Variants in TMEM171 observed in about 807,000 individuals in gnomAD.
TMEM171 encodes the protein transmembrane protein 171, also known as proline-rich protein PRP2.
In TMEM171, 16 loss-of-function variants were observed where a neutral mutation model predicts 19.1. The observed-to-expected ratio is 0.84, with a 90% CI of 0.57 to 1.27. The LOEUF (loss-of-function observed/expected upper bound fraction) is 1.27. Ranked by LOEUF, TMEM171 falls within the 50% of genes most tolerant of loss-of-function variation. The pLI is 0.00. For synonymous variants in TMEM171, 153 were observed against 163.4 expected, an observed-to-expected ratio of 0.94 and a Z score of 0.48; for missense variants, 429 against 412.7, an observed-to-expected ratio of 1.04 and a Z score of -0.34.
In TMEM171 at chr5:73,124,013, G is replaced by C. The variant is rs575777539; in HGVS notation, c.640G>C (p.Gly214Arg). The change falls in exon 2 of 4, where the codon GGT (glycine) becomes CGT (arginine). Residue 214 changes from glycine to arginine, a missense_variant and splice_region_variant. Gly to Arg is a moderately radical substitution (Grantham distance 125, BLOSUM62 -2). Transcript: ENST00000454765. ...TATGGAGCCTGTCCAGGTCACTGTA[G>C]GTGGGTTGCTGTTATTTGCGTTCTT... ...QIMEPVQVTVGDSVIIFPPPP... is the reference protein window; with the variant it reads ...QIMEPVQVTVRDSVIIFPPPP... The C allele has an allele frequency of 5.9e-6, 9 of 1,530,138 alleles. No individual in the cohort carries two copies. The African/African-American group carries it at 1.3e-4, about 21-fold the overall frequency. 94.8% of individuals were successfully genotyped at this position (1,530,138 alleles called of 1,614,324 possible).
intron 3 of TMEM171, among the ~76,000 whole-genome samples, chr5:73,129,609 G>C (rs541362395): frequency 3.3e-5 from 5 of 152,090 alleles, no homozygotes; most frequent in Admixed American, 6.5e-5. Flanking sequence ...CTCCAGCCTG[G>C]GCAACAGAGA....
intron 3 of TMEM171, among the ~76,000 whole-genome samples, chr5:73,129,050 G>A (rs1250365605): frequency 6.6e-6 from 1 of 152,218 alleles, no homozygotes; most frequent in African/African-American, 2.4e-5. Context: ...CCTGTTACCG[G>A]CGGAGGGTGT....
In TMEM171 at chr5:73,123,599, C is replaced by A. The variant is rs1465084258; in HGVS notation, c.226C>A (p.Leu76Met). 9.3e-6 allele frequency: 15 copies of A among 1,614,098 alleles called. No individual in the cohort carries two copies. Among genetic ancestry groups the A allele is most frequent in the Non-Finnish European group, 1.3e-5 (15 of 1,180,046 alleles). ...CAVVGLGAVI[L>M]ARSRAQLQLR... ...CGTGGTTGGGCTTGGGGCTGTGATC[C>A]TGGCCCGCTCCCGGGCGCAACTTCA... is the stretch of plus-strand genomic sequence containing the variant. Residue 76 changes from leucine to methionine, a missense_variant, in exon 2 of 4, where the codon CTG (leucine) becomes ATG (methionine). By Grantham distance (15) the Leu-to-Met change is conservative. Transcript: ENST00000454765.
intron 2 of TMEM171, among the ~76,000 whole-genome samples, chr5:73,125,082 C>G (rs1451163219): frequency 6.6e-6 from 1 of 152,160 alleles, no homozygotes; most frequent in Non-Finnish European, 1.5e-5. Context: ...AACTGGGTTG[C>G]TGGACTTGCA....
Position 73,123,484 on chromosome 5 carries a change from C to G in TMEM171, c.111C>G (p.Val37=), listed in dbSNP as rs747839899. 6.2e-7 allele frequency: 1 copy of G among 1,614,226 alleles called. No individual in the cohort carries two copies. Among genetic ancestry groups the G allele is most frequent in the Non-Finnish European group, 8.5e-7 (1 of 1,180,040 alleles). ...GCGCCGTCTTGTTGTGTGTGGGAGTCCTGCTCTCCATCTTTGGGTTCCAGG... is the reference window on the plus strand; with the variant it reads ...GCGCCGTCTTGTTGTGTGTGGGAGTGCTGCTCTCCATCTTTGGGTTCCAGG... The part of the protein sequence containing the change: ...VFGAVLLCVG[V]LLSIFGFQAC... Residue 37 remains valine, a synonymous_variant, in exon 2 of 4, where the codon GTC becomes GTG. Coordinates refer to ENST00000454765, the MANE Select transcript of TMEM171 (RefSeq NM_173490.8).
At position 73,131,714 on chromosome 5, in the gene TMEM171, A is replaced by G; in HGVS notation, c.959A>G (p.Glu320Gly). The G allele has an allele frequency of 6.2e-7, 1 of 1,611,780 alleles. No homozygotes were observed. Among genetic ancestry groups the G allele is most frequent in the Non-Finnish European group, 8.5e-7 (1 of 1,179,218 alleles). ...GCTACATTCTTGCCTCTATCTTCTG[A>G]GCCTTCCCCACCGTAAACTATGGAC... ...AAATFLPLSS[E>G]PSPP Residue 320 changes from glutamate (E) to glycine (G), a missense_variant, in exon 4 of 4, where the codon GAG becomes GGG. Glu to Gly is a moderately conservative substitution (Grantham distance 98, BLOSUM62 -2). Transcript: ENST00000454765.
chr5:73,124,220 T>C (rs149396953), intron 2 of TMEM171, among the ~76,000 whole-genome samples: 10 of 152,012 alleles, frequency 6.6e-5, no homozygotes, highest in African/African-American at 2.4e-4. Context: ...ATACATCTTT[T>C]CCCCCCCAGC....
At position 73,126,316 on chromosome 5, in the gene TMEM171, T is replaced by G. The variant is rs539600189; in HGVS notation, c.641-2074T>G. On this transcript the variant is annotated intron_variant, in intron 2 of 3. Transcript: ENST00000454765. ...AAGTAAATGAGAATCTCAGGACCGC[T>G]ATTATGCTTTCTCACCTTTAGATTA... Among the ~76,000 whole-genome samples, 13 of 152,340 alleles carry G rather than the reference T, an allele frequency of 8.5e-5. No individual in the cohort carries two copies. The East Asian group carries it at 9.6e-4, about 11-fold the overall frequency.
Position 73,131,640 on chromosome 5 carries a change from T to A in TMEM171, c.885T>A (p.His295Gln). ...CTTCTGAGGCCTCACACACTCCACA[T>A]CTTCCATCTGAATTGCCTCCTAGAT... ...NSSSEASHTP[H>Q]LPSELPPRYE... Residue 295 changes from histidine to glutamine, a missense_variant, in exon 4 of 4, where the codon CAT (histidine) becomes CAA (glutamine). Transcript: ENST00000454765. 2 of 1,614,048 alleles carry A rather than the reference T, an allele frequency of 1.2e-6. No homozygotes were observed. Among genetic ancestry groups the A allele is most frequent in the Non-Finnish European group, 1.7e-6 (2 of 1,179,988 alleles).
rs749102413 is a variant in TMEM171, at chr5:73,123,796, G to A, written c.423G>A (p.Ala141=). The change falls in exon 2 of 4, where the codon GCG becomes GCA. Residue 141 remains alanine, a synonymous_variant. Transcript: ENST00000454765. The part of the protein sequence containing the change: ...IWVPGCGSNW[A]QEPLNETDTG... ...TCCCTGGATGTGGCTCCAACTGGGC[G>A]CAGGAACCGCTAAACGAGACAGACA... is the stretch of plus-strand genomic sequence containing the variant. The A allele has an allele frequency of 1.6e-5, 26 of 1,612,508 alleles. No individual in the cohort carries two copies. Among genetic ancestry groups the A allele is most frequent in the Admixed American group, 3.3e-5 (2 of 59,922 alleles).
chr5:73,123,772 C>T lies in TMEM171; in HGVS notation c.399C>T (p.Val133=). Residue 133 remains valine, a synonymous_variant, in exon 2 of 4, where the codon GTC becomes GTT. Coordinates refer to ENST00000454765, the MANE Select transcript of TMEM171 (RefSeq NM_173490.8). ...GMLISVLGIW[V]PGCGSNWAQE... is the part of the protein sequence containing the mutation. ...TCATCAGCGTCCTGGGCATTTGGGT[C>T]CCTGGATGTGGCTCCAACTGGGCGC... 1.9e-6 allele frequency: 3 copies of T among 1,613,434 alleles called. No homozygotes were observed. The highest frequency in any genetic ancestry group is 2.5e-6 in the Non-Finnish European group (3 of 1,179,508).
chr5:73,120,791 G>C, intron 1 of TMEM171, 95 bp downstream of exon 1: 2 of 967,074 alleles, frequency 2.1e-6, no homozygotes, highest in Non-Finnish European at 2.5e-6. Flanking sequence ...CGGCAGCGCG[G>C]AGGCGCTGGG....
chr5:73,126,051 A>AC (rs2087716545), intron 2 of TMEM171, among the ~76,000 whole-genome samples: 2 of 152,090 alleles, frequency 1.3e-5, no homozygotes, highest in African/African-American at 4.8e-5. Flanking sequence ...ATGAAAGGGA[A>AC]CTCGCAGAGG....
At chr5:73,128,745 C>T (rs1474323804) in intron 3 of TMEM171, among the ~76,000 whole-genome samples, 1 of 112,598 alleles carries the variant, frequency 8.9e-6, no homozygotes, top group Non-Finnish European at 1.8e-5. Flanking sequence ...TAATATGAAG[C>T]CTACTCCAGG....
chr5:73,126,313 C>T (rs895829387), intron 2 of TMEM171, among the ~76,000 whole-genome samples: 10 of 152,154 alleles, frequency 6.6e-5, no homozygotes, highest in Non-Finnish European at 1.3e-4. Flanking sequence ...ATCTCAGGAC[C>T]GCTATTATGC....
At chr5:73,127,384 A>AAAAAAAAAAAATATAT in intron 2 of TMEM171, among the ~76,000 whole-genome samples, 1 of 81,682 alleles carries the variant, frequency 1.2e-5, no homozygotes, top group Admixed American at 1.1e-4. Context: ...AAAAAAAAAA[A>AAAAAAAAAAAATATAT]ATATATATAT....
Position 73,128,501 on chromosome 5 carries a change from C to T in TMEM171, c.752C>T (p.Pro251Leu), listed in dbSNP as rs1266410143. 2 of 1,614,060 alleles carry T rather than the reference C, an allele frequency of 1.2e-6. No homozygotes were observed. The highest frequency in any genetic ancestry group is 3.3e-5 in the Admixed American group (2 of 60,008). Reference protein sequence around the residue: ...GTNSLLPNENPPSYYSIFNYG... With the variant: ...GTNSLLPNENLPSYYSIFNYG... The stretch of plus-strand genomic sequence containing the variant: ...AACAGTCTGCTTCCGAATGAAAACC[C>T]CCCTTCATATTACAGTATTTTCAAC... Residue 251 changes from proline to leucine, a missense_variant, in exon 3 of 4, where the codon CCC (proline) becomes CTC (leucine). Coordinates refer to ENST00000454765, the MANE Select transcript of TMEM171 (RefSeq NM_173490.8).
Position 73,123,472 on chromosome 5 carries a change from G to A in TMEM171, c.99G>A (p.Leu33=), listed in dbSNP as rs778262546. The change falls in exon 2 of 4, where the codon TTG becomes TTA. Residue 33 remains leucine (L), a synonymous_variant. Transcript: ENST00000454765. ...TCTTTGTCTTCGGCGCCGTCTTGTT[G>A]TGTGTGGGAGTCCTGCTCTCCATCT... ...FCFFVFGAVL[L]CVGVLLSIFG... The A allele has an allele frequency of 5.0e-6, 8 of 1,614,200 alleles. No individual in the cohort carries two copies. In the Middle Eastern group the frequency reaches 4.9e-4, roughly 100 times the overall value.
chr5:73,128,298 T>C (rs1744234609), intron 2 of TMEM171, 92 bp from the exon 3 acceptor site: 6 of 1,497,590 alleles, frequency 4.0e-6, no homozygotes, highest in Non-Finnish European at 5.5e-6. Flanking sequence ...ACCTTTTATA[T>C]AGATGGGCCA....
Sources: allele counts gnomAD v4.1 joint callset (sites outside exome capture counted in the v4.1 genomes callset), GRCh38; gene constraint gnomAD v4.1.1; transcripts MANE v1.5; gene names NCBI Gene and HGNC (gene_info 2026-07-23, HGNC 2026-07-21).